CNTNAP2: variants seen among roughly 807,000 people sequenced by gnomAD.
The protein encoded by CNTNAP2 is contactin associated protein 2, also known as contactin-associated protein-like 2.
CNTNAP2 carries 98 observed loss-of-function variants against 155.2 expected under a neutral mutation model. That is an observed-to-expected ratio of 0.63 (90% CI 0.54 to 0.75). CNTNAP2 has a LOEUF of 0.75. Ranked by LOEUF, CNTNAP2 falls within the 30% of genes least tolerant of loss-of-function variation. The probability of loss-of-function intolerance (pLI) is 0.00; values close to 1 mark genes in which losing one functional copy is unlikely to be tolerated. For missense variants in CNTNAP2, 1,727 were observed against 1,688.1 expected (o/e 1.02, Z -0.40); for synonymous variants, 651 against 631.2 (o/e 1.03, Z -0.47).
intron 14 of CNTNAP2, among the ~76,000 whole-genome samples, chr7:147,904,895 G>A (rs983653693): frequency 5.4e-4 from 52 of 95,650 alleles, no homozygotes; most frequent in Admixed American, 5.1e-3. Context: ...TTTGAAAGAT[G>A]TATCTACACA....
chr7:148,100,468 C>T (rs938000390), intron 15 of CNTNAP2, among the ~76,000 whole-genome samples: 1 of 152,148 alleles, frequency 6.6e-6, no homozygotes, highest in African/African-American at 2.4e-5. Flanking sequence ...GGTATATACA[C>T]ATATCTTTGT....
chr7:147,064,914 C>T (rs77713023), intron 4 of CNTNAP2, among the ~76,000 whole-genome samples: 9,761 of 152,190 alleles, frequency 0.064, 421 homozygotes, highest in Middle Eastern at 0.13. Flanking sequence ...AGCTCAAATT[C>T]CTTATGAAAT....
intron 1 of CNTNAP2, among the ~76,000 whole-genome samples, chr7:146,675,238 G>A (rs375663333): frequency 6.6e-6 from 1 of 152,006 alleles, no homozygotes; most frequent in African/African-American, 2.4e-5. Context: ...ATTCCAAATT[G>A]GCCTTCTCCC....
intron 4 of CNTNAP2, among the ~76,000 whole-genome samples, chr7:147,063,905 A>G (rs941811620): frequency 6.6e-6 from 1 of 152,180 alleles, no homozygotes; most frequent in Non-Finnish European, 1.5e-5. Flanking sequence ...TCACAATTGT[A>G]TGATCATTTT....
intron 1 of CNTNAP2, among the ~76,000 whole-genome samples, chr7:146,129,173 A>G (rs1232099435): frequency 6.6e-6 from 1 of 152,210 alleles, no homozygotes; most frequent in Non-Finnish European, 1.5e-5. Flanking sequence ...TACAGAGCAT[A>G]TAATCACCCA....
At chr7:146,339,707 G>T (rs1801340791) in intron 1 of CNTNAP2, among the ~76,000 whole-genome samples, 1 of 152,090 alleles carries the variant, frequency 6.6e-6, no homozygotes, top group Non-Finnish European at 1.5e-5. Flanking sequence ...AAGTAGATGT[G>T]AATGAAGCCA....
chr7:147,792,007 C>A (rs1367060978), intron 13 of CNTNAP2, among the ~76,000 whole-genome samples: 10 of 152,276 alleles, frequency 6.6e-5, no homozygotes, highest in African/African-American at 2.4e-4. Flanking sequence ...CCTAGTGTTT[C>A]CCCTAAGGGC....
intron 14 of CNTNAP2, among the ~76,000 whole-genome samples, chr7:147,913,784 G>A (rs888049371): frequency 2.6e-5 from 4 of 152,146 alleles, no homozygotes; most frequent in African/African-American, 9.7e-5. Context: ...GAGATGAAAA[G>A]AGCGTGTCTC....
chr7:146,304,539 G>A (rs548748599), intron 1 of CNTNAP2, among the ~76,000 whole-genome samples: 1 of 152,070 alleles, frequency 6.6e-6, no homozygotes, highest in African/African-American at 2.4e-5. Flanking sequence ...AGCTTAGTTC[G>A]GCTGGATATG....
chr7:147,980,593 G>T (rs1003447575), intron 15 of CNTNAP2, among the ~76,000 whole-genome samples: 1 of 151,996 alleles, frequency 6.6e-6, no homozygotes, highest in African/African-American at 2.4e-5. Context: ...GAATTGCCTG[G>T]TAGCAGTCAG....
chr7:147,828,911 A>G (rs1798503567), intron 13 of CNTNAP2, among the ~76,000 whole-genome samples: 1 of 152,152 alleles, frequency 6.6e-6, no homozygotes, highest in Non-Finnish European at 1.5e-5. Context: ...ATGGTACTAT[A>G]TTACTTAGTT....
chr7:147,720,622 C>T (rs761332878), intron 13 of CNTNAP2, among the ~76,000 whole-genome samples: 26 of 152,132 alleles, frequency 1.7e-4, no homozygotes, highest in Non-Finnish European at 3.4e-4. Context: ...GGACAGTTTC[C>T]CCCATGCTGT....
chr7:147,751,987 A>ATATT (rs1797143361), intron 13 of CNTNAP2, among the ~76,000 whole-genome samples: 1 of 152,178 alleles, frequency 6.6e-6, no homozygotes, highest in Non-Finnish European at 1.5e-5. Context: ...ATCTACACAC[A>ATATT]GGTTCTTCTG....
intron 1 of CNTNAP2, among the ~76,000 whole-genome samples, chr7:146,413,178 G>A (rs1167101248): frequency 1.3e-5 from 2 of 152,186 alleles, no homozygotes; most frequent in African/African-American, 4.8e-5. Flanking sequence ...GACTAGCTGA[G>A]CTTGGTGCTT....
intron 1 of CNTNAP2, among the ~76,000 whole-genome samples, chr7:146,637,445 A>G (rs1420827720): frequency 3.9e-5 from 6 of 152,108 alleles, no homozygotes; most frequent in Non-Finnish European, 7.4e-5. Context: ...AATTTTTACT[A>G]GGATTTTATT....
At chr7:147,582,613 ATTCT>A (rs1421286651) in intron 12 of CNTNAP2, among the ~76,000 whole-genome samples, 1 of 152,202 alleles carries the variant, frequency 6.6e-6, no homozygotes, top group Non-Finnish European at 1.5e-5. Context: ...TAGTAAAGAA[ATTCT>A]TTATGCCAAT....
chr7:146,354,437 C>G (rs1794968400), intron 1 of CNTNAP2, among the ~76,000 whole-genome samples: 2 of 131,464 alleles, frequency 1.5e-5, no homozygotes, highest in Admixed American at 1.7e-4. Context: ...TTGTTTGAGA[C>G]AGAATCTCAC....
At chr7:146,437,367 A>T (rs1459653025) in intron 1 of CNTNAP2, among the ~76,000 whole-genome samples, 2 of 151,690 alleles carry the variant, frequency 1.3e-5, no homozygotes, top group East Asian at 3.9e-4. Flanking sequence ...TCATGTATGT[A>T]TGTGTGGGTT....
At chr7:148,223,939 C>A (rs905061829) in intron 19 of CNTNAP2, among the ~76,000 whole-genome samples, 2 of 152,180 alleles carry the variant, frequency 1.3e-5, no homozygotes, top group African/African-American at 4.8e-5. Context: ...GTTCCTCCGA[C>A]CTCTAGGCCT....
Sources: gnomAD v4.1 joint callset for allele counts (sites outside exome capture counted in the v4.1 genomes callset) on GRCh38, gnomAD v4.1.1 for gene constraint, MANE v1.5 for transcripts, NCBI Gene and HGNC (gene_info 2026-07-23, HGNC 2026-07-21) for gene names.